PAPPA2: variants seen among roughly 807,000 people sequenced by gnomAD.
The protein encoded by PAPPA2 is pappalysin 2, also known as pappalysin-2.
Under a neutral mutation model 176.4 loss-of-function variants are expected in PAPPA2, and 86 were observed. The observed-to-expected ratio is 0.49, with a 90% CI of 0.41 to 0.58. The LOEUF is 0.58. Ranked by LOEUF, PAPPA2 falls within the 20% of genes least tolerant of loss-of-function variation. PAPPA2 has a pLI of 0.00. For synonymous variants in PAPPA2, 809 were observed against 852.2 expected, an observed-to-expected ratio of 0.95 and a Z score of 0.88; for missense variants, 2,073 against 2,256.9, an observed-to-expected ratio of 0.92 and a Z score of 1.65.
intron 3 of PAPPA2, among the ~76,000 whole-genome samples, chr1:176,667,202 C>T (rs995788643): frequency 7.3e-5 from 11 of 151,072 alleles, no homozygotes; most frequent in Non-Finnish European, 1.3e-4. Context: ...GCTGAGATCA[C>T]GCCACTGAAC....
intron 1 of PAPPA2, among the ~76,000 whole-genome samples, chr1:176,501,016 T>A (rs1022989689): frequency 1.3e-5 from 2 of 150,440 alleles, no homozygotes; most frequent in African/African-American, 4.9e-5. Flanking sequence ...CCATAAAATA[T>A]GTTTTATTTT....
chr1:176,702,776 TGAGAGAGAGAGAGA>T, intron 9 of PAPPA2, 41 bp downstream of exon 9: 8 of 1,145,102 alleles, frequency 7.0e-6, no homozygotes, highest in Non-Finnish European at 9.4e-6. Flanking sequence ...TGTGTGTGTG[TGAGAGAGAGAGAGA>T]GAGAGAGAGA....
intron 14 of PAPPA2, among the ~76,000 whole-genome samples, chr1:176,744,816 T>C (rs891956935): frequency 5.9e-5 from 9 of 152,364 alleles, no homozygotes; most frequent in African/African-American, 2.2e-4. Flanking sequence ...CAATATTTTT[T>C]TCAATCAAGA....
At position 176,761,343 on chromosome 1, in the gene PAPPA2, C is replaced by T. The variant is rs1663690466; in HGVS notation, c.4152-4323C>T. The stretch of plus-strand genomic sequence containing the variant: ...ACTGACTCTTGTTAAAATGGAAATA[C>T]CTATGAATCATATCTGACAAGGTAC... On this transcript the variant is annotated intron_variant, in intron 14 of 22. Coordinates refer to ENST00000367662, the MANE Select transcript of PAPPA2 (RefSeq NM_020318.3). Among the ~76,000 whole-genome samples, 3 of 152,224 alleles carry T rather than the reference C, an allele frequency of 2.0e-5. No individual in the cohort carries two copies. In the South Asian group the frequency reaches 6.2e-4, roughly 32 times the overall value.
intron 12 of PAPPA2, among the ~76,000 whole-genome samples, chr1:176,720,922 G>C (rs574938753): frequency 1.3e-5 from 2 of 152,192 alleles, no homozygotes; most frequent in Non-Finnish European, 2.9e-5. Context: ...AGGGGAAAGA[G>C]AAAGAGTTTC....
chr1:176,645,785 G>A (rs1249292649), intron 3 of PAPPA2, among the ~76,000 whole-genome samples: 1 of 151,466 alleles, frequency 6.6e-6, no homozygotes, highest in Non-Finnish European at 1.5e-5. Flanking sequence ...AGCCGTTTTA[G>A]CTGGTGTAAG....
intron 1 of PAPPA2, among the ~76,000 whole-genome samples, chr1:176,506,242 G>T (rs992149348): frequency 6.6e-6 from 1 of 151,858 alleles, no homozygotes; most frequent in Non-Finnish European, 1.5e-5. Context: ...ATGCTGTTTT[G>T]GTTATTATTG....
intron 14 of PAPPA2, among the ~76,000 whole-genome samples, chr1:176,753,232 G>A (rs558322449): frequency 1.2e-4 from 19 of 152,266 alleles, no homozygotes; most frequent in South Asian, 2.1e-4. Context: ...AGAGGAAGCC[G>A]GGGCACAGCT....
chr1:176,477,548 C>A (rs1652189615), intron 1 of PAPPA2, among the ~76,000 whole-genome samples: 2 of 152,086 alleles, frequency 1.3e-5, no homozygotes, highest in Admixed American at 1.3e-4. Flanking sequence ...AGATCGAGAT[C>A]ATCCTGGCCA....
At chr1:176,508,232 CG>C (rs371050420) in intron 1 of PAPPA2, among the ~76,000 whole-genome samples, 1 of 152,026 alleles carries the variant, frequency 6.6e-6, no homozygotes, top group African/African-American at 2.4e-5. Flanking sequence ...TGTGGCATTC[CG>C]TAAAATTACT....
At chr1:176,807,063 A>G (rs2102957188) in intron 21 of PAPPA2, among the ~76,000 whole-genome samples, 1 of 152,342 alleles carries the variant, frequency 6.6e-6, no homozygotes, top group Admixed American at 6.5e-5. Flanking sequence ...TCAGTCTAAG[A>G]TAGGATGGAT....
At chr1:176,754,395 C>T (rs1663322508) in intron 14 of PAPPA2, among the ~76,000 whole-genome samples, 2 of 152,270 alleles carry the variant, frequency 1.3e-5, no homozygotes, top group South Asian at 4.1e-4. Flanking sequence ...CTCCAGAGGC[C>T]TCTTTAAAAT....
intron 18 of PAPPA2, 64 bp from the exon 19 acceptor site, chr1:176,791,283 C>CT: frequency 9.0e-6 from 12 of 1,332,768 alleles, no homozygotes; most frequent in South Asian, 1.3e-5. Context: ...AATCAGACCA[C>CT]TTTTTTCAAC....
chr1:176,708,502 AAAAAC>A (rs1293443842), intron 10 of PAPPA2, among the ~76,000 whole-genome samples: 1 of 151,114 alleles, frequency 6.6e-6, no homozygotes, highest in African/African-American at 2.4e-5. Context: ...TTATAAGAAG[AAAAAC>A]AAAACAAAAC....
intron 1 of PAPPA2, among the ~76,000 whole-genome samples, chr1:176,551,327 A>G (rs897171353): frequency 6.6e-6 from 1 of 152,214 alleles, no homozygotes; most frequent in African/African-American, 2.4e-5. Flanking sequence ...CAAGTAGCTA[A>G]AACAGATCTG....
intron 3 of PAPPA2, among the ~76,000 whole-genome samples, chr1:176,657,977 CT>C (rs1658121642): frequency 6.6e-6 from 1 of 151,950 alleles, no homozygotes; most frequent in Admixed American, 6.6e-5. Flanking sequence ...ATATAATCAA[CT>C]ACTATTGAAT....
At chr1:176,514,033 G>A (rs1453548234) in intron 1 of PAPPA2, among the ~76,000 whole-genome samples, 1 of 152,156 alleles carries the variant, frequency 6.6e-6, no homozygotes, top group Non-Finnish European at 1.5e-5. Flanking sequence ...GACTATTTCA[G>A]AGAGACAACA....
Position 176,556,667 on chromosome 1 carries a change from A to T in PAPPA2, c.345A>T (p.Pro115=). Reference sequence around the variant, plus strand: ...TTCCCCCAGACCTGACTGAAAATCCAGCAGGACTGAGGGGTGCAGTTGAAG... The same window carrying T: ...TTCCCCCAGACCTGACTGAAAATCCTGCAGGACTGAGGGGTGCAGTTGAAG... ...SLVPPDLTEN[P]AGLRGAVEEP... is the part of the protein sequence containing the mutation. Residue 115 remains proline, a synonymous_variant, in exon 2 of 23, where the codon CCA becomes CCT. Coordinates refer to ENST00000367662, the MANE Select transcript of PAPPA2 (RefSeq NM_020318.3). The T allele has an allele frequency of 1.9e-6, 3 of 1,614,202 alleles. No homozygotes were observed. The highest frequency in any genetic ancestry group is 2.5e-6 in the Non-Finnish European group (3 of 1,180,006).
chr1:176,753,818 G>A (rs561716545), intron 14 of PAPPA2, among the ~76,000 whole-genome samples: 1 of 152,046 alleles, frequency 6.6e-6, no homozygotes, highest in South Asian at 2.1e-4. Flanking sequence ...TTTTAAGCAA[G>A]GAAAGAATTA....
Sources: gnomAD v4.1 joint callset for allele counts (sites outside exome capture counted in the v4.1 genomes callset) on GRCh38, gnomAD v4.1.1 for gene constraint, MANE v1.5 for transcripts, NCBI Gene and HGNC (gene_info 2026-07-23, HGNC 2026-07-21) for gene names.